The following BCKDHB variants were observed in gnomAD, a reference collection of about 807,000 sequenced individuals.
The protein encoded by BCKDHB is branched chain keto acid dehydrogenase E1 subunit beta.
In BCKDHB, 41 loss-of-function variants were observed where a neutral mutation model predicts 48.5. That is an observed-to-expected ratio of 0.85 (90% CI 0.66 to 1.10). The LOEUF is 1.10. Ranked by LOEUF, BCKDHB falls within the 50% of genes least tolerant of loss-of-function variation. The pLI, the probability that BCKDHB is intolerant of heterozygous loss-of-function variation, is 0.00. For synonymous variants in BCKDHB, 201 were observed against 174.8 expected, an observed-to-expected ratio of 1.15 and a Z score of -1.18; for missense variants, 496 against 494.2, an observed-to-expected ratio of 1.00 and a Z score of -0.03.
At chr6:80,399,538 AT>A in the BCKDHB span, among the ~76,000 whole-genome samples, 382 of 152,264 alleles carry the variant, frequency 2.5e-3, 3 homozygotes, top group African/African-American at 8.7e-3. Context: ...ACAACTACTG[AT>A]GGTGGTGAAA....
chr6:80,259,496 T>C (rs1206085397), intron 8 of BCKDHB, among the ~76,000 whole-genome samples: 1 of 152,174 alleles, frequency 6.6e-6, no homozygotes, highest in Admixed American at 6.5e-5. Context: ...TCACATAGTA[T>C]AGGTAAAATG....
chr6:80,295,622 GAAA>G (rs56998407), intron 9 of BCKDHB, among the ~76,000 whole-genome samples: 13 of 136,452 alleles, frequency 9.5e-5, no homozygotes, highest in Admixed American at 1.4e-4. Flanking sequence ...CCTGTTACCA[GAAA>G]AAAAAAAAAA....
chr6:80,334,174 C>A (rs956013737), intron 9 of BCKDHB, among the ~76,000 whole-genome samples: 1 of 152,014 alleles, frequency 6.6e-6, no homozygotes, highest in East Asian at 1.9e-4. Context: ...TAAAGTTGAA[C>A]CATAGGGTAA....
chr6:80,437,014 A>G, the BCKDHB span, among the ~76,000 whole-genome samples: 1 of 152,200 alleles, frequency 6.6e-6, no homozygotes, highest in East Asian at 1.9e-4. Flanking sequence ...TTGTTTTAAT[A>G]TACTCACCCA....
chr6:80,446,767 G>A, the BCKDHB span, among the ~76,000 whole-genome samples: 2 of 123,312 alleles, frequency 1.6e-5, no homozygotes, highest in Non-Finnish European at 3.2e-5. Context: ...CTCTCTTACA[G>A]ACTAAGAGTA....
the BCKDHB span, among the ~76,000 whole-genome samples, chr6:80,429,005 A>C: frequency 6.6e-6 from 1 of 152,108 alleles, no homozygotes; most frequent in Non-Finnish European, 1.5e-5. Flanking sequence ...ATGGTTTTAC[A>C]TCTTACATTT....
chr6:80,387,694 G>A, the BCKDHB span, among the ~76,000 whole-genome samples: 10 of 152,356 alleles, frequency 6.6e-5, no homozygotes, highest in African/African-American at 2.4e-4. Flanking sequence ...CCCACCAGAA[G>A]CAATTTGCCT....
intron 9 of BCKDHB, among the ~76,000 whole-genome samples, chr6:80,307,084 G>C (rs772814727): frequency 1.3e-5 from 2 of 152,068 alleles, no homozygotes; most frequent in African/African-American, 4.8e-5. Context: ...TCTGAGACTC[G>C]CTCCCTAGTC....
chr6:80,168,727 G>A (rs1196747130), intron 4 of BCKDHB, 148 bp from the exon 5 acceptor site: 1 of 854,238 alleles, frequency 1.2e-6, no homozygotes, highest in Admixed American at 2.0e-5. Flanking sequence ...AGGAAGGAAG[G>A]AAGAGGGGGA....
chr6:80,130,651 AT>A (rs1362946220), intron 3 of BCKDHB, among the ~76,000 whole-genome samples: 1 of 152,190 alleles, frequency 6.6e-6, no homozygotes, highest in Admixed American at 6.5e-5. Context: ...TACACATTTG[AT>A]TTCAAAAGTA....
intron 6 of BCKDHB, among the ~76,000 whole-genome samples, chr6:80,177,932 G>A (rs1773240868): frequency 6.6e-6 from 1 of 152,160 alleles, no homozygotes; most frequent in South Asian, 2.1e-4. Context: ...CACTTACAGA[G>A]GTAAATGCAA....
the BCKDHB span, among the ~76,000 whole-genome samples, chr6:80,459,722 G>A: frequency 6.6e-6 from 1 of 152,092 alleles, no homozygotes; most frequent in Non-Finnish European, 1.5e-5. Flanking sequence ...GCTTCACCTT[G>A]TGGAAAGTTG....
chr6:80,192,785 T>TATGATATGAAA, intron 6 of BCKDHB, among the ~76,000 whole-genome samples: 1 of 152,150 alleles, frequency 6.6e-6, no homozygotes, highest in East Asian at 1.9e-4. Context: ...TGAAGGTGCC[T>TATGATATGAAA]TATCATATCA....
At chr6:80,397,509 CT>C in the BCKDHB span, among the ~76,000 whole-genome samples, 1 of 152,142 alleles carries the variant, frequency 6.6e-6, no homozygotes, top group Non-Finnish European at 1.5e-5. Flanking sequence ...ATAAATGTGT[CT>C]ATTCATTTCT....
chr6:80,129,130 TA>T, intron 2 of BCKDHB, 30 bp from the exon 3 acceptor site: 8 of 1,464,684 alleles, frequency 5.5e-6, no homozygotes, highest in Non-Finnish European at 7.6e-6. Context: ...GATTATTAAA[TA>T]AAATGTATTA....
At chr6:80,379,054 A>C in the BCKDHB span, among the ~76,000 whole-genome samples, 2 of 152,070 alleles carry the variant, frequency 1.3e-5, no homozygotes, top group Non-Finnish European at 2.9e-5. Context: ...ACTATTCCAA[A>C]AAATTAAGGA....
chr6:80,327,176 G>A (rs567873525), intron 9 of BCKDHB, among the ~76,000 whole-genome samples: 2 of 152,250 alleles, frequency 1.3e-5, no homozygotes, highest in Admixed American at 6.5e-5. Flanking sequence ...TGAAAGTATC[G>A]TAGGTCAAAA....
At chr6:80,251,388 A>G (rs1776831077) in intron 8 of BCKDHB, among the ~76,000 whole-genome samples, 1 of 152,214 alleles carries the variant, frequency 6.6e-6, no homozygotes, top group South Asian at 2.1e-4. Context: ...TCAAGGTTGG[A>G]GGACAGTATA....
chr6:80,151,872 T>C (rs1195799186), intron 3 of BCKDHB, among the ~76,000 whole-genome samples: 1 of 152,164 alleles, frequency 6.6e-6, no homozygotes, highest in African/African-American at 2.4e-5. Flanking sequence ...TTTTAGATGA[T>C]GTTGGCATGC....
Sources: allele counts gnomAD v4.1 joint callset (sites outside exome capture counted in the v4.1 genomes callset), GRCh38; gene constraint gnomAD v4.1.1; transcripts MANE v1.5; gene names NCBI Gene and HGNC (gene_info 2026-07-23, HGNC 2026-07-21).